Variants in CDH2 observed in about 807,000 individuals in gnomAD.
CDH2 encodes cadherin-2.
In CDH2, 17 loss-of-function variants were observed where a neutral mutation model predicts 92.0. The ratio of observed to expected loss-of-function variants is 0.18; its 90% CI spans 0.13 to 0.28. The LOEUF is 0.28. Ranked by LOEUF, CDH2 falls within the 10% of genes least tolerant of loss-of-function variation. The probability of loss-of-function intolerance (pLI) is 1.00; values close to 1 mark genes in which losing one functional copy is unlikely to be tolerated. For missense variants in CDH2, 862 were observed against 1,133.1 expected, an observed-to-expected ratio of 0.76 and a Z score of 3.44; for synonymous variants, 419 against 415.9, an observed-to-expected ratio of 1.01 and a Z score of -0.09.
intron 1 of CDH2, among the ~76,000 whole-genome samples, chr18:28,166,172 A>ATATATATATATATATATATG (rs1568024455): frequency 7.3e-6 from 1 of 136,966 alleles, no homozygotes; most frequent in African/African-American, 2.6e-5. Context: ...ATATATATAT[A>ATATATATATATATATATATG]TGTCTGTATT....
chr18:27,949,610 C>T (rs530547721), downstream of CDH2, among the ~76,000 whole-genome samples: 2 of 151,882 alleles, frequency 1.3e-5, no homozygotes, highest in South Asian at 4.2e-4. Context: ...ACATAATGTA[C>T]AATCTCATTT....
chr18:28,162,692 A>G (rs1464207713), intron 1 of CDH2, among the ~76,000 whole-genome samples: 1 of 152,202 alleles, frequency 6.6e-6, no homozygotes, highest in Non-Finnish European at 1.5e-5. Context: ...CACTGGGTCC[A>G]TTCTTTTGCA....
In CDH2 at chr18:27,952,135, C is replaced by G. The variant is rs774465203; in HGVS notation, c.*18G>C. Reference sequence around the variant, plus strand: ...GAAATTGTTTGTACTTGTCCAAAAACCAAGTTCACCCTGAAGTTCAGTCAT... The same window carrying G: ...GAAATTGTTTGTACTTGTCCAAAAAGCAAGTTCACCCTGAAGTTCAGTCAT... On this transcript the variant is annotated 3_prime_UTR_variant, in exon 16 of 16. Coordinates refer to ENST00000269141, the MANE Select transcript of CDH2 (RefSeq NM_001792.5). The G allele has an allele frequency of 1.2e-6, 2 of 1,605,364 alleles. No homozygotes were observed. The highest frequency in any genetic ancestry group is 3.3e-5 in the Admixed American group (2 of 59,932).
chr18:27,992,633 C>T, intron 9 of CDH2, 22 bp downstream of exon 9: 5 of 1,594,738 alleles, frequency 3.1e-6, no homozygotes, highest in Non-Finnish European at 4.3e-6. Flanking sequence ...TTGGAGAGAT[C>T]AGTGGCCCGA....
chr18:28,089,483 C>T (rs993136141), intron 2 of CDH2, among the ~76,000 whole-genome samples: 1 of 152,050 alleles, frequency 6.6e-6, no homozygotes, highest in Non-Finnish European at 1.5e-5. Context: ...TTATGCCTTA[C>T]TATACATACG....
intron 2 of CDH2, among the ~76,000 whole-genome samples, chr18:28,130,765 T>C (rs1287633341): frequency 6.6e-6 from 1 of 152,214 alleles, no homozygotes; most frequent in Non-Finnish European, 1.5e-5. Context: ...CTGCCAAGAC[T>C]TTCTGAAGTG....
chr18:28,068,095 A>G (rs1744874913), intron 2 of CDH2, among the ~76,000 whole-genome samples: 1 of 152,162 alleles, frequency 6.6e-6, no homozygotes, highest in South Asian at 2.1e-4. Flanking sequence ...CCTCCCTCCA[A>G]TTCTGCCAAG....
intron 7 of CDH2, among the ~76,000 whole-genome samples, chr18:28,000,550 A>C (rs956064951): frequency 6.6e-6 from 1 of 152,182 alleles, no homozygotes; most frequent in Non-Finnish European, 1.5e-5. Context: ...GCCAGAGTTC[A>C]AACCTGGGGG....
In CDH2 at chr18:28,085,930, T is replaced by A. The variant is rs531490621; in HGVS notation, c.172+61743A>T. ...TGATAACGCCACAGGACACAGGTTA[T>A]TAACTACCACTGTACCCATCTTCTC... On this transcript the variant is annotated intron_variant, in intron 2 of 15. Coordinates refer to ENST00000269141, the MANE Select transcript of CDH2 (RefSeq NM_001792.5). 7.2e-5 allele frequency among the ~76,000 whole-genome samples: 11 copies of A among 152,292 alleles called. No individual in the cohort carries two copies. In the East Asian group the frequency reaches 1.4e-3, roughly 19 times the overall value.
chr18:28,059,859 T>C (rs951658238), intron 2 of CDH2, among the ~76,000 whole-genome samples: 1 of 152,244 alleles, frequency 6.6e-6, no homozygotes, highest in African/African-American at 2.4e-5. Flanking sequence ...CTTTAATCTA[T>C]GTATTCTTCA....
At chr18:28,051,700 A>G (rs2014194435) in intron 2 of CDH2, among the ~76,000 whole-genome samples, 2 of 152,110 alleles carry the variant, frequency 1.3e-5, no homozygotes, top group Admixed American at 1.3e-4. Flanking sequence ...TAGTTTTCCA[A>G]CCTACATCCT....
intron 14 of CDH2, among the ~76,000 whole-genome samples, chr18:27,980,862 G>A (rs998868468): frequency 1.3e-5 from 2 of 150,144 alleles, no homozygotes; most frequent in Non-Finnish European, 2.9e-5. Context: ...TAAAGAGGAA[G>A]TTGTAGATTT....
chr18:27,983,410 T>C (rs1454415839), intron 13 of CDH2, among the ~76,000 whole-genome samples: 1 of 152,200 alleles, frequency 6.6e-6, no homozygotes, highest in Non-Finnish European at 1.5e-5. Context: ...TGCTAGAGGA[T>C]AGTTGCCCTT....
chr18:28,001,563 T>C (rs935893747), intron 7 of CDH2, among the ~76,000 whole-genome samples: 1 of 152,192 alleles, frequency 6.6e-6, no homozygotes, highest in Non-Finnish European at 1.5e-5. Flanking sequence ...TAGTATTTCA[T>C]ATAGCAATGA....
chr18:28,140,896 A>ATATATATATATATACC (rs56014580), intron 2 of CDH2, among the ~76,000 whole-genome samples: 1 of 30,848 alleles, frequency 3.2e-5, no homozygotes, highest in African/African-American at 1.5e-4. Context: ...TCCAAACAAG[A>ATATATATATATATACC]TATATATATA....
intron 7 of CDH2, among the ~76,000 whole-genome samples, chr18:27,998,995 G>C (rs2012677684): frequency 6.6e-6 from 1 of 152,198 alleles, no homozygotes; most frequent in Non-Finnish European, 1.5e-5. Flanking sequence ...ACTGGATGTT[G>C]AGAATGGGAA....
chr18:28,047,946 T>C (rs1207016449), intron 2 of CDH2, among the ~76,000 whole-genome samples: 1 of 151,984 alleles, frequency 6.6e-6, no homozygotes, highest in Non-Finnish European at 1.5e-5. Context: ...CTATTTAATG[T>C]TTTAATATTT....
intron 2 of CDH2, among the ~76,000 whole-genome samples, chr18:28,040,624 C>A (rs1410426179): frequency 6.6e-6 from 1 of 152,108 alleles, no homozygotes; most frequent in African/African-American, 2.4e-5. Context: ...GAGAGCAGAG[C>A]AAACAATATA....
At chr18:28,127,619 C>T (rs28365313) in intron 2 of CDH2, among the ~76,000 whole-genome samples, 1 of 152,058 alleles carries the variant, frequency 6.6e-6, no homozygotes, top group East Asian at 1.9e-4. Flanking sequence ...TACAATATAG[C>T]AATTTAAGCC....
Sources: allele counts gnomAD v4.1 joint callset (sites outside exome capture counted in the v4.1 genomes callset), GRCh38; gene constraint gnomAD v4.1.1; transcripts MANE v1.5; gene names NCBI Gene and HGNC (gene_info 2026-07-23, HGNC 2026-07-21).